SLC33A1: variants seen among roughly 807,000 people sequenced by gnomAD.
SLC33A1 encodes solute carrier family 33 member 1.
In SLC33A1, 20 loss-of-function variants were observed where a neutral mutation model predicts 50.0. The observed-to-expected ratio is 0.40, with a 90% CI of 0.28 to 0.58. SLC33A1 has a LOEUF of 0.58. SLC33A1 is among the 20% of genes least tolerant of loss of function. The probability of loss-of-function intolerance (pLI) is 0.44; values close to 1 mark genes in which losing one functional copy is unlikely to be tolerated. For synonymous variants in SLC33A1, 265 were observed against 251.8 expected (o/e 1.05, Z -0.50); for missense variants, 476 against 657.0 (o/e 0.72, Z 3.01).
chr3:155,850,816 C>T (rs536933447), intron 1 of SLC33A1, among the ~76,000 whole-genome samples: 1 of 151,834 alleles, frequency 6.6e-6, no homozygotes, highest in East Asian at 2.0e-4. Context: ...GGGGTTTTGC[C>T]ATGTTGGCCA....
rs180676224 is a variant in SLC33A1 at position 155,821,145 on chromosome 3, G to T, written c.*7065C>A. 1.3e-5 allele frequency: 2 copies of T among 152,102 alleles called. No homozygotes were observed. Among genetic ancestry groups the T allele is most frequent in the African/African-American group, 4.8e-5 (2 of 41,500 alleles). 9.4% of individuals were successfully genotyped at this position (152,102 alleles called of 1,614,324 possible). ...ACTTAAACACTGCATAAATATTAAG[G>T]TTTAACACACATCTTTTAATAAATT... On this transcript the variant is annotated 3_prime_UTR_variant, in exon 6 of 6. Transcript: ENST00000643144.
intron 2 of SLC33A1, among the ~76,000 whole-genome samples, chr3:155,835,299 C>A (rs914453989): frequency 5.9e-5 from 9 of 152,074 alleles, no homozygotes; most frequent in African/African-American, 2.2e-4. Flanking sequence ...AGGAGTTCTA[C>A]TAATACATTT....
chr3:155,846,927 G>T (rs1322317968), intron 1 of SLC33A1, among the ~76,000 whole-genome samples: 1 of 151,912 alleles, frequency 6.6e-6, no homozygotes, highest in African/African-American at 2.4e-5. Context: ...GAATAAATAG[G>T]CTGGGCGTGG....
chr3:155,835,279 A>C (rs563560260), intron 2 of SLC33A1, among the ~76,000 whole-genome samples: 1 of 152,300 alleles, frequency 6.6e-6, no homozygotes, highest in African/African-American at 2.4e-5. Context: ...AATCTGGATA[A>C]AGGATATAAA....
intron 2 of SLC33A1, among the ~76,000 whole-genome samples, chr3:155,834,973 T>A (rs1752589935): frequency 6.6e-6 from 1 of 152,174 alleles, no homozygotes; most frequent in African/African-American, 2.4e-5. Flanking sequence ...GATCCTAGAT[T>A]AGATCCCCAA....
chr3:155,854,309 G>T lies in SLC33A1; in HGVS notation c.-312C>A. The stretch of plus-strand genomic sequence containing the variant: ...AGGTGTGTGCCGTGGTGCCAGGATG[G>T]AAACCAGCTCCTACCTGCGGCGGGA... On this transcript the variant is annotated 5_prime_UTR_variant, in exon 1 of 6. Transcript: ENST00000643144. The T allele has an allele frequency of 3.6e-6, 1 of 281,584 alleles. No homozygotes were observed. The highest frequency in any genetic ancestry group is 6.6e-6 in the Non-Finnish European group (1 of 150,546). 17.4% of individuals were successfully genotyped at this position (281,584 alleles called of 1,614,324 possible). A position where few individuals can be genotyped will look rare whatever the true frequency, so the allele number is the denominator to read the frequency against.
intron 1 of SLC33A1, among the ~76,000 whole-genome samples, chr3:155,844,437 ATATATATATATATATATATATTTTTTTT>A (rs1417347209): frequency 5.8e-4 from 4 of 6,914 alleles, no homozygotes; most frequent in African/African-American, 1.3e-3. Context: ...ATATATATAT[ATATATATATATATATATATATTTTTTTT>A]TTTTTTTTTT....
chr3:155,841,690 AT>A (rs984791190), intron 2 of SLC33A1, among the ~76,000 whole-genome samples: 7 of 151,944 alleles, frequency 4.6e-5, no homozygotes, highest in Non-Finnish European at 1.0e-4. Context: ...AATTCAATGG[AT>A]TTTTAAAAAA....
chr3:155,828,569 T>C (rs1752281108), intron 5 of SLC33A1, among the ~76,000 whole-genome samples, 192 bp from the exon 6 acceptor site: 2 of 152,154 alleles, frequency 1.3e-5, no homozygotes, highest in African/African-American at 2.4e-5. Flanking sequence ...TTAAAAACAA[T>C]TTTCAGTTCT....
chr3:155,852,998 T>C, intron 1 of SLC33A1: 1 of 577,976 alleles, frequency 1.7e-6, no homozygotes, highest in Non-Finnish European at 3.1e-6. Context: ...TGTTATTTGA[T>C]GGGTTGCCTC....
intron 2 of SLC33A1, among the ~76,000 whole-genome samples, chr3:155,835,125 T>C (rs1752594555): frequency 6.6e-6 from 1 of 152,196 alleles, no homozygotes; most frequent in Non-Finnish European, 1.5e-5. Context: ...TCTTAGGAAA[T>C]ACATACTTAA....
intron 1 of SLC33A1, among the ~76,000 whole-genome samples, chr3:155,845,824 T>C (rs922184473): frequency 4.6e-5 from 7 of 152,224 alleles, no homozygotes; most frequent in African/African-American, 1.7e-4. Flanking sequence ...ATTTCATTAT[T>C]AACATTTTGG....
At chr3:155,834,141 C>T in intron 2 of SLC33A1, 100 bp from the exon 3 acceptor site, 1 of 833,374 alleles carries the variant, frequency 1.2e-6, no homozygotes, top group South Asian at 1.4e-5. Flanking sequence ...TTATTACTGA[C>T]CCATGACAGT....
At chr3:155,834,594 C>T (rs1014739704) in intron 2 of SLC33A1, among the ~76,000 whole-genome samples, 7 of 151,808 alleles carry the variant, frequency 4.6e-5, no homozygotes, top group Non-Finnish European at 5.9e-5. Context: ...TAAAACAGCA[C>T]AAAAAAGAGT....
rs1752262978 is a variant in SLC33A1, at chr3:155,828,188, A to G, written c.*22T>C. The stretch of plus-strand genomic sequence containing the variant: ...AAAACTAAACTACAATTACCTTGCT[A>G]GAATGTCCAGTAGCATATATATTAA... On this transcript the variant is annotated 3_prime_UTR_variant, in exon 6 of 6. Coordinates refer to ENST00000643144, the MANE Select transcript of SLC33A1 (RefSeq NM_004733.4). 6.5e-7 allele frequency: 1 copy of G among 1,550,048 alleles called. No homozygotes were observed. The highest frequency in any genetic ancestry group is 8.9e-7 in the Non-Finnish European group (1 of 1,121,628).
At chr3:155,841,003 ATTG>A (rs773789861) in intron 2 of SLC33A1, among the ~76,000 whole-genome samples, 280 of 151,656 alleles carry the variant, frequency 1.8e-3, no homozygotes, top group Middle Eastern at 0.014. Flanking sequence ...ATATATATAT[ATTG>A]TTATGCTCCT....
At chr3:155,846,454 CTTTT>C (rs34163073) in intron 1 of SLC33A1, among the ~76,000 whole-genome samples, 1 of 138,430 alleles carries the variant, frequency 7.2e-6, no homozygotes. Flanking sequence ...CCCACACTTC[CTTTT>C]TTTTTTTTTT....
chr3:155,853,580 G>A lies in SLC33A1; in HGVS notation c.418C>T (p.Arg140Cys). ...DAVYVKNFGR[R>C]KSWLVPTQYI... ...TGTGTCGGGACAAGCCAAGATTTGCGACGACCGAAGTTCTTAACGTAGACC... is the reference window on the plus strand; with the variant it reads ...TGTGTCGGGACAAGCCAAGATTTGCAACGACCGAAGTTCTTAACGTAGACC... Residue 140 changes from arginine to cysteine, a missense_variant, in exon 1 of 6, where the codon CGC (arginine) becomes TGC (cysteine). Physicochemically the swap from Arg to Cys is radical, Grantham distance 180. Transcript: ENST00000643144. 1 of 1,614,160 alleles carries A rather than the reference G, an allele frequency of 6.2e-7. No individual in the cohort carries two copies. Among genetic ancestry groups the A allele is most frequent in the East Asian group, 2.2e-5 (1 of 44,890 alleles).
In SLC33A1 at chr3:155,824,252, A is replaced by T. The variant is rs542386960; in HGVS notation, c.*3958T>A. 6.6e-6 allele frequency: 1 copy of T among 152,258 alleles called. No homozygotes were observed. Among genetic ancestry groups the T allele is most frequent in the Non-Finnish European group, 1.5e-5 (1 of 68,046 alleles). 9.4% of individuals were successfully genotyped at this position (152,258 alleles called of 1,614,324 possible). ...AAATCTGCATGGAATGTTCCCAACA[A>T]GTTATTTCATTTTAGCAGGGTCTAT... On this transcript the variant is annotated 3_prime_UTR_variant, in exon 6 of 6. Coordinates refer to ENST00000643144, the MANE Select transcript of SLC33A1 (RefSeq NM_004733.4).
Sources: gnomAD v4.1 joint callset for allele counts (sites outside exome capture counted in the v4.1 genomes callset) on GRCh38, gnomAD v4.1.1 for gene constraint, MANE v1.5 for transcripts, NCBI Gene and HGNC (gene_info 2026-07-23, HGNC 2026-07-21) for gene names.